DISP1: variants seen among roughly 807,000 people sequenced by gnomAD.
DISP1 encodes protein dispatched homolog 1.
Under a neutral mutation model 37.3 loss-of-function variants are expected in DISP1, and 30 were observed. The observed-to-expected ratio is 0.80, with a 90% CI of 0.60 to 1.09. The LOEUF (loss-of-function observed/expected upper bound fraction) is 1.09. DISP1 is among the 50% of genes least tolerant of loss of function. DISP1 has a pLI of 0.00. For synonymous variants in DISP1, 634 were observed against 690.2 expected, an observed-to-expected ratio of 0.92 and a Z score of 1.28; for missense variants, 1,598 against 1,879.5, an observed-to-expected ratio of 0.85 and a Z score of 2.77.
At chr1:222,860,120 G>A (rs1033157949) in intron 1 of DISP1, among the ~76,000 whole-genome samples, 1 of 152,150 alleles carries the variant, frequency 6.6e-6, no homozygotes, top group African/African-American at 2.4e-5. Context: ...GCAATGGCAC[G>A]ATCTCGGCTC....
At chr1:222,935,712 A>T (rs17011846) in intron 2 of DISP1, among the ~76,000 whole-genome samples, 13,547 of 152,224 alleles carry the variant, frequency 0.089, 636 homozygotes, top group South Asian at 0.18. Flanking sequence ...CTAAGTGGTT[A>T]CTGTGGTAAT....
At position 223,005,386 on chromosome 1, in the gene DISP1, C is replaced by T. The variant is rs140229487; in HGVS notation, c.3989C>T (p.Thr1330Met). Reference sequence around the variant, plus strand: ...GTCGAGGGCTTTGTGCACCCCATCACGCACATCCACCACTGTCCCTGCCTG... The same window carrying T: ...GTCGAGGGCTTTGTGCACCCCATCATGCACATCCACCACTGTCCCTGCCTG... The part of the protein sequence containing the change: ...QAVEGFVHPI[T>M]HIHHCPCLQG... Residue 1330 changes from threonine to methionine, a missense_variant, in exon 9 of 9, where the codon ACG (threonine) becomes ATG (methionine). Thr to Met is a moderately conservative substitution (Grantham distance 81). Coordinates refer to ENST00000675850, the MANE Select transcript of DISP1 (RefSeq NM_001377229.1). 121 of 1,613,336 alleles carry T rather than the reference C, an allele frequency of 7.5e-5. 1 individual carries two copies. Among genetic ancestry groups the T allele is most frequent in the Admixed American group, 3.7e-4 (22 of 60,016 alleles).
At chr1:222,850,482 T>G (rs1668162046) in intron 1 of DISP1, among the ~76,000 whole-genome samples, 1 of 152,176 alleles carries the variant, frequency 6.6e-6, no homozygotes, top group African/African-American at 2.4e-5. Context: ...TACATGTGGT[T>G]TGTTACATAG....
chr1:222,836,913 T>C (rs887549647), intron 1 of DISP1: 1 of 394,906 alleles, frequency 2.5e-6, no homozygotes, highest in Non-Finnish European at 4.5e-6. Flanking sequence ...AATTTTCTTA[T>C]CTTTAATAGG....
intron 1 of DISP1, among the ~76,000 whole-genome samples, chr1:222,881,442 C>T (rs1670271351): frequency 6.6e-6 from 1 of 152,162 alleles, no homozygotes; most frequent in Non-Finnish European, 1.5e-5. Flanking sequence ...GTGATCCACC[C>T]GCTTCGGCCT....
intron 3 of DISP1, among the ~76,000 whole-genome samples, chr1:222,963,162 A>G (rs530585264): frequency 6.6e-6 from 1 of 152,254 alleles, no homozygotes; most frequent in South Asian, 2.1e-4. Flanking sequence ...CGGCCAAGAA[A>G]CATGAGAAAA....
chr1:222,930,657 A>G (rs984792942), intron 2 of DISP1, among the ~76,000 whole-genome samples: 1 of 152,162 alleles, frequency 6.6e-6, no homozygotes, highest in African/African-American at 2.4e-5. Context: ...TTGTAAGCAA[A>G]CAAGAATCCC....
intron 1 of DISP1, among the ~76,000 whole-genome samples, chr1:222,919,322 C>G (rs1024367625): frequency 6.6e-6 from 1 of 152,192 alleles, no homozygotes; most frequent in African/African-American, 2.4e-5. Context: ...AGAAGGAATG[C>G]TGAGGGAAGT....
intron 1 of DISP1, among the ~76,000 whole-genome samples, chr1:222,920,292 G>C (rs1358474631): frequency 6.6e-6 from 1 of 152,124 alleles, no homozygotes; most frequent in Non-Finnish European, 1.5e-5. Context: ...CTCCTGCCAA[G>C]AGTTTCTATC....
chr1:222,820,780 A>G (rs1184285074), intron 1 of DISP1, among the ~76,000 whole-genome samples: 3 of 152,208 alleles, frequency 2.0e-5, no homozygotes, highest in African/African-American at 7.2e-5. Context: ...AAGATAATGT[A>G]CATAATGTGC....
At chr1:222,848,593 C>T (rs1668050570) in intron 1 of DISP1, among the ~76,000 whole-genome samples, 1 of 152,046 alleles carries the variant, frequency 6.6e-6, no homozygotes, top group Non-Finnish European at 1.5e-5. Context: ...TACAGATGTC[C>T]TGGATTGCAG....
In DISP1 at chr1:222,992,018, G is replaced by A. The variant is rs760606200; in HGVS notation, c.797G>A (p.Arg266Gln). 6.2e-6 allele frequency: 10 copies of A among 1,612,136 alleles called. No homozygotes were observed. The highest frequency in any genetic ancestry group is 2.2e-5 in the South Asian group (2 of 91,034). ...KYADEQAKSH[R>Q]DDRWSDDHYE... Reference sequence around the variant, plus strand: ...AAATTGTCGTTCCATTTCAGCCATCGGGATGATAGATGGTCAGATGATCAT... The same window carrying A: ...AAATTGTCGTTCCATTTCAGCCATCAGGATGATAGATGGTCAGATGATCAT... The change falls in exon 7 of 9, where the codon CGG (arginine) becomes CAG (glutamine). Residue 266 changes from arginine to glutamine, a missense_variant. Arg to Gln is a conservative substitution (Grantham distance 43). Transcript: ENST00000675850.
At chr1:222,902,469 T>G (rs1671651248) in intron 1 of DISP1, among the ~76,000 whole-genome samples, 1 of 152,244 alleles carries the variant, frequency 6.6e-6, no homozygotes, top group East Asian at 1.9e-4. Flanking sequence ...CTAATTAAAC[T>G]AAACAGCTTC....
At chr1:222,858,793 C>T (rs964470330) in intron 1 of DISP1, among the ~76,000 whole-genome samples, 2 of 152,254 alleles carry the variant, frequency 1.3e-5, no homozygotes, top group Admixed American at 1.3e-4. Context: ...TACCATCTAA[C>T]ACAATTCAGA....
At chr1:222,826,467 A>C in intron 1 of DISP1, among the ~76,000 whole-genome samples, 1 of 148,512 alleles carries the variant, frequency 6.7e-6, no homozygotes, top group East Asian at 2.0e-4. Context: ...TGCAGCTTCA[A>C]CCTCCTGGGC....
intron 1 of DISP1, among the ~76,000 whole-genome samples, chr1:222,859,744 A>C (rs1230632520): frequency 6.6e-6 from 1 of 152,234 alleles, no homozygotes; most frequent in Non-Finnish European, 1.5e-5. Context: ...GAGGAAAACT[A>C]TGCTCTCCAA....
chr1:222,897,544 T>C (rs909816643), intron 1 of DISP1, among the ~76,000 whole-genome samples: 7 of 152,178 alleles, frequency 4.6e-5, no homozygotes, highest in Non-Finnish European at 1.0e-4. Context: ...TGTTAGCATA[T>C]AGTTTTGTAT....
intron 4 of DISP1, among the ~76,000 whole-genome samples, chr1:222,984,132 G>C (rs182040101): frequency 6.6e-6 from 1 of 151,810 alleles, no homozygotes; most frequent in Non-Finnish European, 1.5e-5. Flanking sequence ...TAGGCCAGGC[G>C]CAGTGGCTCA....
chr1:222,981,082 C>A (rs765388553), intron 3 of DISP1, among the ~76,000 whole-genome samples: 57 of 152,070 alleles, frequency 3.7e-4, no homozygotes, highest in Non-Finnish European at 7.2e-4. Flanking sequence ...TGTCTCAGAA[C>A]AAAAAATGAC....
Sources: allele counts gnomAD v4.1 joint callset (sites outside exome capture counted in the v4.1 genomes callset), GRCh38; gene constraint gnomAD v4.1.1; transcripts MANE v1.5; gene names NCBI Gene and HGNC (gene_info 2026-07-23, HGNC 2026-07-21).